ASB13: variants seen among roughly 807,000 people sequenced by gnomAD.
The protein encoded by ASB13 is ankyrin repeat and SOCS box containing 13.
ASB13 carries 33 observed loss-of-function variants against 28.8 expected under a neutral mutation model. The observed-to-expected ratio is 1.15, with a 90% CI of 0.87 to 1.53. The LOEUF is 1.53. Ranked by LOEUF, ASB13 falls within the 40% of genes most tolerant of loss-of-function variation. The probability of loss-of-function intolerance (pLI) is 0.00; values close to 1 mark genes in which losing one functional copy is unlikely to be tolerated. For missense variants in ASB13, 414 were observed against 390.1 expected, an observed-to-expected ratio of 1.06 and a Z score of -0.52; for synonymous variants, 182 against 172.9, an observed-to-expected ratio of 1.05 and a Z score of -0.41.
At chr10:5,646,396 T>C (rs1834886589) in intron 4 of ASB13, among the ~76,000 whole-genome samples, 1 of 152,206 alleles carries the variant, frequency 6.6e-6, no homozygotes, top group African/African-American at 2.4e-5. Flanking sequence ...GAGGGGTGTG[T>C]GAAAAGGGAT....
Position 5,642,616 on chromosome 10 carries a change from A to G in ASB13, c.518-655T>C, listed in dbSNP as rs1361361848. 2 of 789,188 alleles carry G rather than the reference A, an allele frequency of 2.5e-6. No homozygotes were observed. The highest frequency in any genetic ancestry group is 1.9e-5 in the African/African-American group (1 of 54,002). 48.9% of individuals were successfully genotyped at this position (789,188 alleles called of 1,614,324 possible). ...AAAAAAAGAGCAGACATTCAGAAAG[A>G]TGCAAGGAATTAGTAGCTAAATATG... On this transcript the variant is annotated intron_variant, in intron 4 of 5. Coordinates refer to ENST00000357700, the MANE Select transcript of ASB13 (RefSeq NM_024701.4). This position sits in a 1 kb window ranked among gnomAD's most constrained non-coding sequence, Gnocchi z 4.1.
At chr10:5,657,835 A>G (rs937919358) in intron 1 of ASB13, among the ~76,000 whole-genome samples, 3 of 152,214 alleles carry the variant, frequency 2.0e-5, no homozygotes, top group African/African-American at 7.2e-5. Context: ...AACCTTGAGG[A>G]CATTATGCTG....
chr10:5,653,033 T>C lies in ASB13; in HGVS notation c.61A>G (p.Thr21Ala). 6.5e-7 allele frequency: 1 copy of C among 1,546,960 alleles called. No homozygotes were observed. Among genetic ancestry groups the C allele is most frequent in the East Asian group, 2.4e-5 (1 of 40,886 alleles). The change falls in exon 2 of 6, where the codon ACC (threonine) becomes GCC (alanine). Residue 21 changes from threonine to alanine, a missense_variant. Coordinates refer to ENST00000357700, the MANE Select transcript of ASB13 (RefSeq NM_024701.4). ...CGCTGGGCTGCCTCGTGCACAGGGG[T>C]CCGCTCCACCCAGAAACCTGGAAAG... The part of the protein sequence containing the change: ...LGDVGFWVER[T>A]PVHEAAQRGE...
At position 5,659,721 on chromosome 10, in the gene ASB13, T is replaced by C. The variant is rs1835130005; in HGVS notation, c.44-6671A>G. On this transcript the variant is annotated intron_variant, in intron 1 of 5. Transcript: ENST00000357700. The surrounding 1 kb of genome is among the most constrained non-coding windows in gnomAD (Gnocchi z 5.8). ...CAGCTGATCAGCATTCTCCCTTCCC[T>C]GGGCCTTCCCTAAGGCCATCCCCTG... Among the ~76,000 whole-genome samples the C allele has an allele frequency of 6.6e-6, 1 of 151,076 alleles. No individual in the cohort carries two copies. The highest frequency in any genetic ancestry group is 6.6e-5 in the Admixed American group (1 of 15,224).
Position 5,662,593 on chromosome 10 carries a change from G to GAA in ASB13, c.43+3914_43+3915dup, listed in dbSNP as rs1280788466. ...GAAGAGAAGAGAAGAGAAGAGAAGA[G>GAA]AAGAGAAGAGAAGAGAAGAGAAGAG... On this transcript the variant is annotated intron_variant, in intron 1 of 5. Coordinates refer to ENST00000357700, the MANE Select transcript of ASB13 (RefSeq NM_024701.4). Among the ~76,000 whole-genome samples, 53 of 143,050 alleles carry GAA rather than the reference G, an allele frequency of 3.7e-4. 1 individual carries two copies. Among genetic ancestry groups the GAA allele is most frequent in the African/African-American group, 1.3e-3 (49 of 38,980 alleles). The allele number at this position is 143,050 out of a possible 152,430, so 93.8% of individuals were successfully genotyped here.
rs1835079350 is a variant in ASB13, at chr10:5,656,531, T to C, written c.44-3481A>G. 3.9e-5 allele frequency among the ~76,000 whole-genome samples: 5 copies of C among 128,442 alleles called. No homozygotes were observed. The South Asian group carries it at 8.0e-4, about 21-fold the overall frequency. The allele number at this position is 128,442 out of a possible 152,430, so 84.3% of individuals were successfully genotyped here. ...TCCAGCCTGGGCAACCGAGCAAGACTCCGTCTCAAGAAAAAAAAAAAAAGT... is the reference window on the plus strand; with the variant it reads ...TCCAGCCTGGGCAACCGAGCAAGACCCCGTCTCAAGAAAAAAAAAAAAAGT... On this transcript the variant is annotated intron_variant, in intron 1 of 5. Transcript: ENST00000357700. The surrounding 1 kb of genome is among the most constrained non-coding windows in gnomAD (Gnocchi z 4.3).
rs566073674 is a variant in ASB13, at chr10:5,640,382, G to A, written c.*321C>T. On this transcript the variant is annotated 3_prime_UTR_variant, in exon 6 of 6. Transcript: ENST00000357700. ...CAGCCTCCTCTGTGCTCCCCACGCC[G>A]TCTGTCCTGAGAGTGCCTTTGAGGA... is the stretch of plus-strand genomic sequence containing the variant. 3.2e-4 allele frequency: 72 copies of A among 227,020 alleles called. No homozygotes were observed. The highest frequency in any genetic ancestry group is 7.7e-4 in the South Asian group (11 of 14,308). The allele number at this position is 227,020 out of a possible 1,614,324, so 14.1% of individuals were successfully genotyped here.
In ASB13 at chr10:5,644,553, C is replaced by T. The variant is rs1222426635; in HGVS notation, c.518-2592G>A. Among the ~76,000 whole-genome samples the T allele has an allele frequency of 6.6e-6, 1 of 151,850 alleles. No homozygotes were observed. Among genetic ancestry groups the T allele is most frequent in the Non-Finnish European group, 1.5e-5 (1 of 67,978 alleles). On this transcript the variant is annotated intron_variant, in intron 4 of 5. Transcript: ENST00000357700. The surrounding 1 kb of genome is among the most constrained non-coding windows in gnomAD (Gnocchi z 5.1). ...GAAAACAGGGCCAGACACGGTGGCT[C>T]ATGCCTGTAATCCCAGCACTTTGAG...
chr10:5,653,114 G>T, intron 1 of ASB13, 64 bp from the exon 2 acceptor site: 2 of 1,437,814 alleles, frequency 1.4e-6, no homozygotes, highest in Non-Finnish European at 1.9e-6. Context: ...ATGAGCACAC[G>T]TAAGACTCCA....
intron 4 of ASB13, among the ~76,000 whole-genome samples, chr10:5,647,239 G>A (rs1201829816): frequency 6.6e-6 from 1 of 152,212 alleles, no homozygotes; most frequent in Non-Finnish European, 1.5e-5. Flanking sequence ...GACTATGGCT[G>A]TGAGCCACAG....
intron 4 of ASB13, among the ~76,000 whole-genome samples, chr10:5,646,816 T>C (rs1328144996): frequency 6.6e-6 from 1 of 152,144 alleles, no homozygotes; most frequent in Non-Finnish European, 1.5e-5. Context: ...ATGGAACTCG[T>C]GTGTACTGAG....
chr10:5,649,782 T>C lies in ASB13; in HGVS notation c.383-678A>G, dbSNP rs1834956372. ...CTCAGGTGATCCGCCCACCTCAGCC[T>C]CCCAAAGTGCTGGGATTACCAAGGG... On this transcript the variant is annotated intron_variant, in intron 3 of 5. Transcript: ENST00000357700. The surrounding 1 kb of genome is among the most constrained non-coding windows in gnomAD (Gnocchi z 6.4). Among the ~76,000 whole-genome samples, 1 of 151,756 alleles carries C rather than the reference T, an allele frequency of 6.6e-6. No individual in the cohort carries two copies. The highest frequency in any genetic ancestry group is 1.5e-5 in the Non-Finnish European group (1 of 67,904).
rs60112766 is a variant in ASB13 at position 5,645,363 on chromosome 10, G to A, written c.518-3402C>T. ...TAAGAACAAAGGTGGAAGCAGGACC[G>A]TCCTCAGGGAGCCGCTTCCGAACAC... On this transcript the variant is annotated intron_variant, in intron 4 of 5. Coordinates refer to ENST00000357700, the MANE Select transcript of ASB13 (RefSeq NM_024701.4). This position sits in a 1 kb window ranked among gnomAD's most constrained non-coding sequence, Gnocchi z 5.4. 0.012 allele frequency among the ~76,000 whole-genome samples: 1,776 copies of A among 152,200 alleles called. 39 individuals carry two copies. Among genetic ancestry groups the A allele is most frequent in the African/African-American group, 0.041 (1,698 of 41,506 alleles).
At position 5,659,586 on chromosome 10, in the gene ASB13, C is replaced by G. The variant is rs1377935526; in HGVS notation, c.44-6536G>C. Among the ~76,000 whole-genome samples, 1 of 152,198 alleles carries G rather than the reference C, an allele frequency of 6.6e-6. No individual in the cohort carries two copies. The highest frequency in any genetic ancestry group is 2.4e-5 in the African/African-American group (1 of 41,442). ...AAGCTCTTCTCAGCCCCATTCCCCA[C>G]CTTGCTTCCGGCTGAAATTCCTCGA... is the stretch of plus-strand genomic sequence containing the variant. On this transcript the variant is annotated intron_variant, in intron 1 of 5. Transcript: ENST00000357700. This position sits in a 1 kb window ranked among gnomAD's most constrained non-coding sequence, Gnocchi z 5.8.
intron 1 of ASB13, among the ~76,000 whole-genome samples, chr10:5,662,232 C>T (rs1020560216): frequency 6.6e-6 from 1 of 151,864 alleles, no homozygotes; most frequent in East Asian, 1.9e-4. Context: ...AAATGCTGGA[C>T]GATGGGCTGG....
At chr10:5,662,153 C>T (rs1207722658) in intron 1 of ASB13, among the ~76,000 whole-genome samples, 2 of 152,052 alleles carry the variant, frequency 1.3e-5, no homozygotes, top group Admixed American at 1.3e-4. Context: ...AGTGACATAG[C>T]CCCCCAGGGT....
Position 5,658,592 on chromosome 10 carries a change from A to G in ASB13, c.44-5542T>C, listed in dbSNP as rs1835109156. ...TGGGGAGTTAGTGTTTCATGGGGAC[A>G]GAATTTCAGTTTTACAGGATGAAAA... On this transcript the variant is annotated intron_variant, in intron 1 of 5. Coordinates refer to ENST00000357700, the MANE Select transcript of ASB13 (RefSeq NM_024701.4). This position sits in a 1 kb window ranked among gnomAD's most constrained non-coding sequence, Gnocchi z 4.2. Among the ~76,000 whole-genome samples the G allele has an allele frequency of 6.6e-6, 1 of 152,180 alleles. No homozygotes were observed. The highest frequency in any genetic ancestry group is 1.5e-5 in the Non-Finnish European group (1 of 68,028).
rs1834783051 is a variant in ASB13, at chr10:5,640,174, G to C, written c.*529C>G. 6.5e-6 allele frequency: 1 copy of C among 154,240 alleles called. No homozygotes were observed. The highest frequency in any genetic ancestry group is 1.4e-5 in the Non-Finnish European group (1 of 69,158). 9.6% of individuals were successfully genotyped at this position (154,240 alleles called of 1,614,324 possible). On this transcript the variant is annotated 3_prime_UTR_variant, in exon 6 of 6. Transcript: ENST00000357700. ...AAAAGCATCCACACAGCAGCCAGCA[G>C]AGCAGCAGTCCCAGGCCACATCCCA...
At position 5,660,636 on chromosome 10, in the gene ASB13, TGTGA is replaced by T. The variant is rs1431969987; in HGVS notation, c.43+5869_43+5872del. 1.3e-5 allele frequency among the ~76,000 whole-genome samples: 2 copies of T among 152,198 alleles called. No individual in the cohort carries two copies. The highest frequency in any genetic ancestry group is 1.5e-5 in the Non-Finnish European group (1 of 68,030). On this transcript the variant is annotated intron_variant, in intron 1 of 5. Transcript: ENST00000357700. The surrounding 1 kb of genome is among the most constrained non-coding windows in gnomAD (Gnocchi z 6.1). ...ATCGTGCCTGGCCACCTGTAAATGC[TGTGA>T]GTAACAGGCACTGCCATGGCTCCAG... is the stretch of plus-strand genomic sequence containing the variant.
Sources: allele counts gnomAD v4.1 joint callset (sites outside exome capture counted in the v4.1 genomes callset), GRCh38; gene constraint gnomAD v4.1.1; non-coding constraint Gnocchi (gnomAD v3.1); transcripts MANE v1.5; gene names NCBI Gene and HGNC (gene_info 2026-07-23, HGNC 2026-07-21).